Variants in LAMB4 observed in about 807,000 individuals in gnomAD.
LAMB4 encodes laminin subunit beta-4.
Under a neutral mutation model 199.2 loss-of-function variants are expected in LAMB4, and 196 were observed. The ratio of observed to expected loss-of-function variants is 0.98; its 90% CI spans 0.88 to 1.11. The LOEUF is 1.11. Among genes scored for constraint, LAMB4 ranks in the 50% least tolerant of loss-of-function variants. The pLI, the probability that LAMB4 is intolerant of heterozygous loss-of-function variation, is 0.00. For synonymous variants in LAMB4, 744 were observed against 770.6 expected, an observed-to-expected ratio of 0.97 and a Z score of 0.57; for missense variants, 2,080 against 2,171.2, an observed-to-expected ratio of 0.96 and a Z score of 0.83.
In LAMB4 at chr7:108,068,071, G is replaced by T; in HGVS notation, c.2391C>A (p.Arg797=). 6.2e-7 allele frequency: 1 copy of T among 1,614,186 alleles called. No homozygotes were observed. Among genetic ancestry groups the T allele is most frequent in the Non-Finnish European group, 8.5e-7 (1 of 1,180,034 alleles). The part of the protein sequence containing the change: ...QCQCKPLVVG[R]CCDRCSTGSY... ...TTCCAGTTGAGCACCTGTCACAGCA[G>T]CGCCCGACCACAAGAGGTTTACACT... is the stretch of plus-strand genomic sequence containing the variant. The change falls in exon 19 of 34, where the codon CGC becomes CGA. Residue 797 remains arginine (R), a synonymous_variant. Transcript: ENST00000388781.
chr7:108,034,063 T>C (rs1300750684), intron 31 of LAMB4, 145 bp downstream of exon 31: 1 of 799,118 alleles, frequency 1.3e-6, no homozygotes, highest in East Asian at 2.5e-5. Flanking sequence ...ATTAAATACA[T>C]GCATAATACT....
chr7:108,066,558 T>A lies in LAMB4; in HGVS notation c.2489A>T (p.Asp830Val), dbSNP rs2036350253. The A allele has an allele frequency of 2.5e-6, 4 of 1,613,434 alleles. No homozygotes were observed. The highest frequency in any genetic ancestry group is 3.4e-6 in the Non-Finnish European group (4 of 1,179,702). The change falls in exon 20 of 34, where the codon GAC becomes GTC. Residue 830 changes from aspartate to valine, a missense_variant. Coordinates refer to ENST00000388781, the MANE Select transcript of LAMB4 (RefSeq NM_007356.3). ...GCAGGGGCACTGTCCTGTTACTTGGTCACATACAGTGTCCTTTGATCCTTG... is the reference window on the plus strand; with the variant it reads ...GCAGGGGCACTGTCCTGTTACTTGGACACATACAGTGTCCTTTGATCCTTG... The part of the protein sequence containing the change: ...HPQGSKDTVC[D>V]QVTGQCPCHG...
intron 4 of LAMB4, 109 bp downstream of exon 4, chr7:108,111,702 C>T (rs1030839859): frequency 2.2e-6 from 2 of 917,326 alleles, no homozygotes; most frequent in East Asian, 2.5e-5. Context: ...GGATACTGTT[C>T]CATTCCAATA....
chr7:108,046,506 C>G (rs1000281679), intron 28 of LAMB4, among the ~76,000 whole-genome samples: 1 of 151,608 alleles, frequency 6.6e-6, no homozygotes, highest in Non-Finnish European at 1.5e-5. Context: ...AGGCTCTTTG[C>G]GTATTGTCAA....
chr7:108,119,857 T>C (rs1250308353), intron 2 of LAMB4, among the ~76,000 whole-genome samples: 2 of 152,214 alleles, frequency 1.3e-5, no homozygotes, highest in South Asian at 2.1e-4. Context: ...TAAGATGCTA[T>C]GACTGAGAGA....
intron 1 of LAMB4, among the ~76,000 whole-genome samples, chr7:108,126,118 T>G (rs761387348): frequency 2.0e-5 from 3 of 152,220 alleles, no homozygotes; most frequent in Non-Finnish European, 4.4e-5. Flanking sequence ...AGCTTGCCAA[T>G]AATTCTGTTA....
At chr7:108,067,895 C>G (rs540863699) in intron 19 of LAMB4, 121 bp downstream of exon 19, 1 of 1,205,434 alleles carries the variant, frequency 8.3e-7, no homozygotes, top group East Asian at 2.3e-5. Context: ...CATAGATAGT[C>G]TGAATAATGT....
intron 23 of LAMB4, among the ~76,000 whole-genome samples, chr7:108,061,027 G>A (rs73424739): frequency 0.046 from 7,035 of 152,264 alleles, 553 homozygotes; most frequent in African/African-American, 0.16. Context: ...TTAATAATAT[G>A]TACCCCTGAT....
rs2036469023 is a variant in LAMB4, at chr7:108,069,788, G to T, written c.2222C>A (p.Ala741Glu). The change falls in exon 18 of 34, where the codon GCA becomes GAA. Residue 741 changes from alanine to glutamate, a missense_variant. Transcript: ENST00000388781. ...ACCCGGGAGCACTTGAGGTCCCATTGCTGAGGCAATTTCAACACAGTTGTG... is the reference window on the plus strand; with the variant it reads ...ACCCGGGAGCACTTGAGGTCCCATTTCTGAGGCAATTTCAACACAGTTGTG... The part of the protein sequence containing the change: ...QLHNCVEIAS[A>E]MGPQVLPGAC... 1 of 1,613,898 alleles carries T rather than the reference G, an allele frequency of 6.2e-7. No homozygotes were observed. Among genetic ancestry groups the T allele is most frequent in the South Asian group, 1.1e-5 (1 of 91,080 alleles).
chr7:108,092,446 A>G, intron 12 of LAMB4, 30 bp from the exon 13 acceptor site: 2 of 1,539,808 alleles, frequency 1.3e-6, no homozygotes, highest in Non-Finnish European at 1.8e-6. Context: ...AGCTGATTCC[A>G]GCTATGAAGA....
In LAMB4 at chr7:108,043,696, A is replaced by G. The variant is rs1049469253; in HGVS notation, c.4471+56T>C. On this transcript the variant is annotated intron_variant, in intron 29 of 33. Coordinates refer to ENST00000388781, the MANE Select transcript of LAMB4 (RefSeq NM_007356.3). Reference sequence around the variant, plus strand: ...CTGGGTTCACGTATGATGTTTGACTATACATTAAAAAGGGAAAAAAACAAA... The same window carrying G: ...CTGGGTTCACGTATGATGTTTGACTGTACATTAAAAAGGGAAAAAAACAAA... 6.1e-6 allele frequency: 7 copies of G among 1,145,686 alleles called. No individual in the cohort carries two copies. In the Admixed American group the frequency reaches 1.1e-4, roughly 19 times the overall value. The allele number at this position is 1,145,686 out of a possible 1,614,324, so 71.0% of individuals were successfully genotyped here. A position where few individuals can be genotyped will look rare whatever the true frequency, so the allele number is the denominator to read the frequency against.
chr7:108,038,397 C>G (rs557773417), intron 29 of LAMB4, among the ~76,000 whole-genome samples: 2 of 152,106 alleles, frequency 1.3e-5, no homozygotes, highest in Non-Finnish European at 2.9e-5. Context: ...TCCTGACCTC[C>G]TGATCCACCC....
At chr7:108,108,361 A>G (rs1397341407) in intron 5 of LAMB4, among the ~76,000 whole-genome samples, 2 of 152,238 alleles carry the variant, frequency 1.3e-5, no homozygotes, top group African/African-American at 2.4e-5. Context: ...TATTAATTGA[A>G]GAAAGATGGC....
intron 23 of LAMB4, among the ~76,000 whole-genome samples, chr7:108,058,387 CT>C (rs148928542): frequency 1.3e-5 from 2 of 152,066 alleles, no homozygotes; most frequent in East Asian, 1.9e-4. Context: ...AAAAAAACAT[CT>C]TTTTTTTGTA....
At chr7:108,075,519 C>A (rs527539638) in intron 17 of LAMB4, 2 of 152,322 alleles carry the variant, frequency 1.3e-5, no homozygotes, top group East Asian at 3.9e-4. Flanking sequence ...TTAGAAGATT[C>A]TCACAAATAT....
chr7:108,052,546 TTTC>T (rs2035859416), intron 25 of LAMB4, among the ~76,000 whole-genome samples: 1 of 152,226 alleles, frequency 6.6e-6, no homozygotes, highest in Non-Finnish European at 1.5e-5. Context: ...ATGCTCTGTC[TTTC>T]TTCGTTTTGG....
intron 29 of LAMB4, 127 bp from the exon 30 acceptor site, chr7:108,037,722 G>C: frequency 2.9e-6 from 2 of 680,646 alleles, no homozygotes; most frequent in Non-Finnish European, 5.1e-6. Flanking sequence ...AGAATACAGG[G>C]ATTAGATTGT....
intron 19 of LAMB4, 88 bp from the exon 20 acceptor site, chr7:108,066,688 T>C (rs1584671654): frequency 1.2e-6 from 1 of 841,356 alleles, no homozygotes; most frequent in Middle Eastern, 2.5e-4. Context: ...TCATTTCCTT[T>C]CCCAATCCCA....
At chr7:108,113,085 T>C (rs1554449556) in intron 3 of LAMB4, among the ~76,000 whole-genome samples, 1 of 152,232 alleles carries the variant, frequency 6.6e-6, no homozygotes, top group Non-Finnish European at 1.5e-5. Flanking sequence ...TTCAGGTTTC[T>C]GTTAGAATGC....
Sources: gnomAD v4.1 joint callset for allele counts (sites outside exome capture counted in the v4.1 genomes callset) on GRCh38, gnomAD v4.1.1 for gene constraint, MANE v1.5 for transcripts, NCBI Gene and HGNC (gene_info 2026-07-23, HGNC 2026-07-21) for gene names.